The following FYCO1 variants were observed in gnomAD, a reference collection of about 807,000 sequenced individuals.
The protein encoded by FYCO1 is FYVE and coiled-coil domain autophagy adaptor 1.
Under a neutral mutation model 165.1 loss-of-function variants are expected in FYCO1, and 122 were observed. The observed-to-expected ratio is 0.74, with a 90% CI of 0.64 to 0.86. The LOEUF is 0.86. FYCO1 is among the 40% of genes least tolerant of loss of function. The probability of loss-of-function intolerance (pLI) is 0.00; values close to 1 mark genes in which losing one functional copy is unlikely to be tolerated. For synonymous variants in FYCO1, 648 were observed against 742.5 expected (o/e 0.87, Z 2.07); for missense variants, 1,702 against 1,810.3 (o/e 0.94, Z 1.09).
chr3:45,927,834 G>A (rs1575326222), intron 16 of FYCO1, among the ~76,000 whole-genome samples: 2 of 152,334 alleles, frequency 1.3e-5, no homozygotes, highest in East Asian at 1.9e-4. Context: ...GGGGACCTTG[G>A]TGTGCCCACC....
At chr3:45,981,388 C>A (rs918926757) in intron 3 of FYCO1, among the ~76,000 whole-genome samples, 182 bp downstream of exon 3, 4 of 152,220 alleles carry the variant, frequency 2.6e-5, no homozygotes, top group African/African-American at 7.2e-5. Flanking sequence ...CATTGCAATT[C>A]CCCAAAGGAT....
intron 15 of FYCO1, 29 bp from the exon 16 acceptor site, chr3:45,931,310 A>G: frequency 7.5e-6 from 12 of 1,605,486 alleles, no homozygotes; most frequent in Non-Finnish European, 1.0e-5. Flanking sequence ...GAGGGACCTG[A>G]TTGACTGGGC....
intron 5 of FYCO1, among the ~76,000 whole-genome samples, 181 bp downstream of exon 5, chr3:45,975,058 T>C (rs1158230051): frequency 6.6e-6 from 1 of 151,894 alleles, no homozygotes; most frequent in African/African-American, 2.4e-5. Context: ...CAGTGCTACT[T>C]GCCCACATGT....
intron 2 of FYCO1, among the ~76,000 whole-genome samples, chr3:45,982,533 C>A (rs1254133175): frequency 6.6e-6 from 1 of 152,148 alleles, no homozygotes; most frequent in African/African-American, 2.4e-5. Flanking sequence ...AAGAGGAAAA[C>A]CCACCTTTGA....
At chr3:45,945,514 T>A (rs1704531658) in intron 14 of FYCO1, 1 of 152,264 alleles carries the variant, frequency 6.6e-6, no homozygotes, top group Admixed American at 6.5e-5. Context: ...GCTGGTGCCC[T>A]GGGTAAGAAA....
intron 15 of FYCO1, among the ~76,000 whole-genome samples, chr3:45,935,054 C>T (rs926630614): frequency 6.6e-6 from 1 of 152,232 alleles, no homozygotes; most frequent in Middle Eastern, 3.4e-3. Flanking sequence ...TAGTGTTTGT[C>T]CAAGTGTGGT....
At chr3:45,971,121 T>C (rs916743553) in intron 6 of FYCO1, among the ~76,000 whole-genome samples, 3 of 152,112 alleles carry the variant, frequency 2.0e-5, no homozygotes, top group Non-Finnish European at 4.4e-5. Context: ...CTGGGGTAAT[T>C]GGATAAATGG....
At chr3:45,961,501 G>A (rs1001545162) in intron 11 of FYCO1, among the ~76,000 whole-genome samples, 2 of 151,898 alleles carry the variant, frequency 1.3e-5, no homozygotes, top group Non-Finnish European at 2.9e-5. Flanking sequence ...TCGCTTGAAT[G>A]CAGGAGGAAG....
At position 45,964,539 on chromosome 3, in the gene FYCO1, C is replaced by A; in HGVS notation, c.3151-85G>T. On this transcript the variant is annotated intron_variant, in intron 9 of 17. Transcript: ENST00000296137. This position sits in a 1 kb window ranked among gnomAD's most constrained non-coding sequence, Gnocchi z 4.1. ...AAAGTGGCTGGTGTGCCATCCACCC[C>A]ATCTGGCTGGGTCACTTCTAAATGG... 1 of 1,590,614 alleles carries A rather than the reference C, an allele frequency of 6.3e-7. No homozygotes were observed. The highest frequency in any genetic ancestry group is 8.6e-7 in the Non-Finnish European group (1 of 1,169,480).
chr3:45,972,994 G>A, intron 6 of FYCO1, 94 bp downstream of exon 6: 1 of 1,358,316 alleles, frequency 7.4e-7, no homozygotes, highest in South Asian at 1.2e-5. Context: ...AATTTACTGA[G>A]CAAGCAAAAT....
In FYCO1 at chr3:45,984,944, G is replaced by C. The variant is rs766281488; in HGVS notation, c.-34C>G. 6.2e-7 allele frequency: 1 copy of C among 1,611,834 alleles called. No homozygotes were observed. The highest frequency in any genetic ancestry group is 1.1e-5 in the South Asian group (1 of 91,016). ...TGCCTTTCTTGTCTGTATGTCTCCT[G>C]CCTGGGTCCAGAGGAAGGCTCAGAA... On this transcript the variant is annotated 5_prime_UTR_variant, in exon 2 of 18. Transcript: ENST00000296137.
chr3:45,955,446 T>C, intron 13 of FYCO1, 53 bp from the exon 14 acceptor site: 6 of 1,607,454 alleles, frequency 3.7e-6, no homozygotes, highest in Non-Finnish European at 5.1e-6. Flanking sequence ...CTGTTATGCA[T>C]AGGCTGGGTA....
chr3:45,983,565 C>T (rs557781838), intron 2 of FYCO1, among the ~76,000 whole-genome samples: 13 of 152,286 alleles, frequency 8.5e-5, no homozygotes, highest in African/African-American at 3.1e-4. Context: ...TGAGGGTCCC[C>T]TATTTCACCC....
chr3:45,945,076 G>T (rs1387079779), intron 14 of FYCO1: 3 of 152,144 alleles, frequency 2.0e-5, no homozygotes, highest in Non-Finnish European at 2.9e-5. Flanking sequence ...GAGAGAAAGG[G>T]CACTTTGGTC....
At chr3:45,940,675 T>C (rs966137595) in intron 14 of FYCO1, among the ~76,000 whole-genome samples, 1 of 152,188 alleles carries the variant, frequency 6.6e-6, no homozygotes, top group South Asian at 2.1e-4. Context: ...CTTCCAAGTA[T>C]ACTTTACTTC....
chr3:45,935,951 A>C (rs1375179163), intron 15 of FYCO1, among the ~76,000 whole-genome samples: 1 of 152,238 alleles, frequency 6.6e-6, no homozygotes, highest in Non-Finnish European at 1.5e-5. Context: ...ATATGGGAAA[A>C]TACTCATGCT....
intron 16 of FYCO1, among the ~76,000 whole-genome samples, chr3:45,924,086 T>C (rs1289305427): frequency 6.6e-6 from 1 of 152,198 alleles, no homozygotes; most frequent in African/African-American, 2.4e-5. Context: ...GCCTTCAGGA[T>C]ATGAAGCTTA....
chr3:45,973,780 G>T (rs1049314925), intron 5 of FYCO1, among the ~76,000 whole-genome samples: 1 of 152,206 alleles, frequency 6.6e-6, no homozygotes, highest in African/African-American at 2.4e-5. Context: ...AGATGCATCA[G>T]AACACAGTCG....
intron 15 of FYCO1, among the ~76,000 whole-genome samples, chr3:45,934,039 T>C (rs944479137): frequency 6.6e-6 from 1 of 151,060 alleles, no homozygotes; most frequent in African/African-American, 2.4e-5. Flanking sequence ...AAGATGACAG[T>C]TATACTTGAA....
Sources: gnomAD v4.1 joint callset for allele counts (sites outside exome capture counted in the v4.1 genomes callset) on GRCh38, gnomAD v4.1.1 for gene constraint, Gnocchi (gnomAD v3.1) non-coding constraint, MANE v1.5 for transcripts, NCBI Gene and HGNC (gene_info 2026-07-23, HGNC 2026-07-21) for gene names.